The following ASIC2 variants were observed in gnomAD, a reference collection of about 807,000 sequenced individuals.
ASIC2 encodes acid-sensing ion channel 2.
Under a neutral mutation model 57.3 loss-of-function variants are expected in ASIC2, and 25 were observed. The ratio of observed to expected loss-of-function variants is 0.44; its 90% CI spans 0.32 to 0.61. The LOEUF (loss-of-function observed/expected upper bound fraction) is 0.61. ASIC2 is among the 20% of genes least tolerant of loss of function. The pLI is 0.06. For missense variants in ASIC2, 641 were observed against 738.1 expected (o/e 0.87, Z 1.52); for synonymous variants, 319 against 307.5 (o/e 1.04, Z -0.39).
chr17:33,121,778 G>C (rs2092303443), intron 1 of ASIC2, among the ~76,000 whole-genome samples: 1 of 152,184 alleles, frequency 6.6e-6, no homozygotes, highest in East Asian at 1.9e-4. Context: ...CAGGCACTGT[G>C]CACAATGAAT....
At chr17:33,392,730 T>C (rs1219768733) in intron 1 of ASIC2, among the ~76,000 whole-genome samples, 1 of 152,230 alleles carries the variant, frequency 6.6e-6, no homozygotes, top group Non-Finnish European at 1.5e-5. Context: ...CAAGGCATCC[T>C]AATGTTGAAA....
chr17:33,063,720 T>A (rs982550081), intron 3 of ASIC2, among the ~76,000 whole-genome samples: 1 of 152,232 alleles, frequency 6.6e-6, no homozygotes, highest in African/African-American at 2.4e-5. Context: ...CCTTGCTAGG[T>A]TGGGGAATAT....
rs117672991 is a variant in ASIC2, at chr17:33,618,510, A to G, written c.556-506443T>C. 3.0e-3 allele frequency among the ~76,000 whole-genome samples: 454 copies of G among 152,292 alleles called. 12 individuals are homozygous for G. The East Asian group carries it at 0.069, about 23-fold the overall frequency. Reference sequence around the variant, plus strand: ...CAATGGGAAAGAAATCAATAATTACATGTTTATAATTTAAGATCTGTTTTG... The same window carrying G: ...CAATGGGAAAGAAATCAATAATTACGTGTTTATAATTTAAGATCTGTTTTG... On this transcript the variant is annotated intron_variant, in intron 1 of 9. Transcript: ENST00000359872.
At chr17:33,615,444 A>G (rs1905570570) in intron 1 of ASIC2, among the ~76,000 whole-genome samples, 2 of 152,238 alleles carry the variant, frequency 1.3e-5, no homozygotes, top group African/African-American at 4.8e-5. Context: ...AATAACTGGA[A>G]AATTATGGAC....
intron 1 of ASIC2, among the ~76,000 whole-genome samples, chr17:33,863,900 GTTTT>G (rs1031021531): frequency 2.8e-5 from 2 of 72,490 alleles, no homozygotes; most frequent in African/African-American, 4.8e-5. Flanking sequence ...CTCTTTTTTT[GTTTT>G]TTTTTTTTTT....
At chr17:34,101,654 T>C (rs143561181) in intron 1 of ASIC2, among the ~76,000 whole-genome samples, 86 of 152,350 alleles carry the variant, frequency 5.6e-4, no homozygotes, top group African/African-American at 1.9e-3. Context: ...GTGTTTATGA[T>C]TTCCATGATT....
chr17:33,463,472 C>A (rs972019149), intron 1 of ASIC2, among the ~76,000 whole-genome samples: 2 of 152,204 alleles, frequency 1.3e-5, no homozygotes, highest in African/African-American at 4.8e-5. Flanking sequence ...GACTTCACTA[C>A]CCTCCAATAT....
At chr17:33,337,138 C>T (rs1406860071) in intron 1 of ASIC2, among the ~76,000 whole-genome samples, 1 of 152,174 alleles carries the variant, frequency 6.6e-6, no homozygotes, top group African/African-American at 2.4e-5. Context: ...CTGCTTGGTT[C>T]TGACTCCATT....
intron 1 of ASIC2, among the ~76,000 whole-genome samples, chr17:33,287,871 C>T (rs1213110451): frequency 6.6e-6 from 1 of 152,138 alleles, no homozygotes; most frequent in African/African-American, 2.4e-5. Context: ...TTCTACTTTC[C>T]CTTCTCTGTT....
chr17:33,775,716 T>C (rs1477707711), intron 1 of ASIC2, among the ~76,000 whole-genome samples: 4 of 152,168 alleles, frequency 2.6e-5, no homozygotes, highest in Non-Finnish European at 4.4e-5. Flanking sequence ...TGAGTCTGTA[T>C]GATGCTGCAA....
At chr17:33,767,174 G>A (rs568070088) in intron 1 of ASIC2, among the ~76,000 whole-genome samples, 21 of 152,302 alleles carry the variant, frequency 1.4e-4, no homozygotes, top group African/African-American at 5.1e-4. Context: ...GTGCCTCATT[G>A]TGCAAGGCAT....
At chr17:33,448,454 G>A (rs995922128) in intron 1 of ASIC2, among the ~76,000 whole-genome samples, 2 of 152,188 alleles carry the variant, frequency 1.3e-5, no homozygotes, top group Admixed American at 6.5e-5. Flanking sequence ...GGCCCTATGT[G>A]TCTTAGATTC....
At chr17:33,415,631 G>A (rs920987445) in intron 1 of ASIC2, among the ~76,000 whole-genome samples, 12 of 151,964 alleles carry the variant, frequency 7.9e-5, no homozygotes, top group African/African-American at 9.7e-5. Flanking sequence ...GGGAACATCC[G>A]GGGCCTCATA....
At chr17:34,136,670 C>T (rs549160384) in intron 1 of ASIC2, among the ~76,000 whole-genome samples, 1 of 152,354 alleles carries the variant, frequency 6.6e-6, no homozygotes, top group East Asian at 1.9e-4. Flanking sequence ...TTGCCTGTAA[C>T]TTCTGTCTCC....
chr17:33,253,239 ATGTGCAACAC>A (rs1908947712), intron 1 of ASIC2, among the ~76,000 whole-genome samples: 1 of 152,182 alleles, frequency 6.6e-6, no homozygotes, highest in Non-Finnish European at 1.5e-5. Context: ...GTTTTCAGCT[ATGTGCAACAC>A]TGCCTTCCAG....
At chr17:33,669,132 T>C (rs1907569758) in intron 1 of ASIC2, among the ~76,000 whole-genome samples, 1 of 152,194 alleles carries the variant, frequency 6.6e-6, no homozygotes, top group South Asian at 2.1e-4. Context: ...TGGAAGCCTG[T>C]TCCCTAGAGG....
chr17:33,500,229 G>T (rs1914061150), intron 1 of ASIC2, among the ~76,000 whole-genome samples: 2 of 152,098 alleles, frequency 1.3e-5, no homozygotes, highest in Non-Finnish European at 2.9e-5. Context: ...TGAATGGGGT[G>T]AGGGGCAGGG....
At chr17:33,575,542 G>C (rs776607359) in intron 1 of ASIC2, among the ~76,000 whole-genome samples, 24 of 152,200 alleles carry the variant, frequency 1.6e-4, no homozygotes, top group Admixed American at 9.8e-4. Flanking sequence ...CTTATATGGT[G>C]GTGGTGCTTT....
intron 1 of ASIC2, among the ~76,000 whole-genome samples, chr17:33,924,855 G>A (rs1257599186): frequency 6.6e-6 from 1 of 152,200 alleles, no homozygotes; most frequent in Admixed American, 6.5e-5. Context: ...GCAGAGGTGT[G>A]GTGGGCAGTG....
Sources: gnomAD v4.1 joint callset for allele counts (sites outside exome capture counted in the v4.1 genomes callset) on GRCh38, gnomAD v4.1.1 for gene constraint, MANE v1.5 for transcripts, NCBI Gene and HGNC (gene_info 2026-07-23, HGNC 2026-07-21) for gene names.